NPTXR: variants seen among roughly 807,000 people sequenced by gnomAD.
NPTXR encodes neuronal pentraxin receptor.
A neutral mutation model predicts 32.2 loss-of-function variants in NPTXR; 12 were observed. The observed-to-expected ratio is 0.37, with a 90% CI of 0.24 to 0.60. The LOEUF (loss-of-function observed/expected upper bound fraction) is 0.60. NPTXR is among the 20% of genes least tolerant of loss of function. The probability of loss-of-function intolerance (pLI) is 0.66; values close to 1 mark genes in which losing one functional copy is unlikely to be tolerated. For missense variants in NPTXR, 612 were observed against 682.9 expected (o/e 0.90, Z 1.16); for synonymous variants, 323 against 315.8 (o/e 1.02, Z -0.24).
rs1233043674 is a variant in NPTXR, at chr22:38,821,041, T to A, written c.*1568A>T. Reference sequence around the variant, plus strand: ...TCCCGAGTAGCTGGGACTACAGGCATGCACCACCTAACCAGCTAAGTTTTG... The same window carrying A: ...TCCCGAGTAGCTGGGACTACAGGCAAGCACCACCTAACCAGCTAAGTTTTG... On this transcript the variant is annotated 3_prime_UTR_variant, in exon 5 of 5. Transcript: ENST00000333039. 6.6e-6 allele frequency: 1 copy of A among 152,236 alleles called. No homozygotes were observed. Among genetic ancestry groups the A allele is most frequent in the African/African-American group, 2.4e-5 (1 of 41,422 alleles). 9.4% of individuals were successfully genotyped at this position (152,236 alleles called of 1,614,324 possible).
intron 3 of NPTXR, among the ~76,000 whole-genome samples, chr22:38,824,761 G>A (rs998501578): frequency 6.6e-6 from 1 of 152,172 alleles, no homozygotes; most frequent in Non-Finnish European, 1.5e-5. Flanking sequence ...CGGCAGCCAG[G>A]GGGTGATGAA....
intron 1 of NPTXR, among the ~76,000 whole-genome samples, chr22:38,833,655 A>ATTT (rs5845398): frequency 1.4e-5 from 2 of 138,056 alleles, no homozygotes; most frequent in Non-Finnish European, 1.6e-5. Context: ...GTGACTAACA[A>ATTT]TTTTTTTTTT....
chr22:38,833,844 T>G (rs1358526412), intron 1 of NPTXR, among the ~76,000 whole-genome samples: 1 of 151,982 alleles, frequency 6.6e-6, no homozygotes, highest in Non-Finnish European at 1.5e-5. Flanking sequence ...ACCCAGCTAA[T>G]TTTTTGTATT....
intron 1 of NPTXR, among the ~76,000 whole-genome samples, chr22:38,832,216 C>T (rs541413393): frequency 1.4e-4 from 22 of 152,330 alleles, no homozygotes; most frequent in East Asian, 5.8e-4. Flanking sequence ...AGTCCCTCCC[C>T]GTCCCAGTGT....
At chr22:38,838,121 T>C (rs1234063868) in intron 1 of NPTXR, among the ~76,000 whole-genome samples, 1 of 152,172 alleles carries the variant, frequency 6.6e-6, no homozygotes, top group African/African-American at 2.4e-5. Flanking sequence ...CCTCCCAAAG[T>C]GCTGGGATTA....
chr22:38,835,844 G>A (rs2093123111), intron 1 of NPTXR, among the ~76,000 whole-genome samples: 1 of 152,146 alleles, frequency 6.6e-6, no homozygotes, highest in Non-Finnish European at 1.5e-5. Flanking sequence ...AAGCACATAA[G>A]TGCTCCCACC....
At chr22:38,830,695 G>T (rs1157209171) in intron 1 of NPTXR, among the ~76,000 whole-genome samples, 1 of 152,166 alleles carries the variant, frequency 6.6e-6, no homozygotes, top group African/African-American at 2.4e-5. Context: ...ACAGGGCAGG[G>T]GGTCTGGTGC....
At chr22:38,840,089 T>C (rs915017311) in intron 1 of NPTXR, among the ~76,000 whole-genome samples, 4 of 152,184 alleles carry the variant, frequency 2.6e-5, no homozygotes, top group African/African-American at 9.7e-5. Context: ...AGCCCTTAAA[T>C]GTGGCTCCCA....
intron 2 of NPTXR, 64 bp from the exon 3 acceptor site, chr22:38,826,811 G>A (rs1233923005): frequency 4.5e-6 from 7 of 1,558,488 alleles, no homozygotes; most frequent in South Asian, 1.2e-5. Flanking sequence ...GGGTGGACAG[G>A]GCACACTTCA....
At chr22:38,841,907 T>C (rs1363975877) in intron 1 of NPTXR, among the ~76,000 whole-genome samples, 2 of 152,142 alleles carry the variant, frequency 1.3e-5, no homozygotes, top group African/African-American at 4.8e-5. Context: ...GGGGAAGAGG[T>C]GGGTATGGGC....
chr22:38,824,351 G>A, intron 3 of NPTXR, among the ~76,000 whole-genome samples: 1 of 152,026 alleles, frequency 6.6e-6, no homozygotes, highest in East Asian at 1.9e-4. Flanking sequence ...GCCTTGTTGT[G>A]GATCCTGGGG....
In NPTXR at chr22:38,843,797, C is replaced by T; in HGVS notation, c.62G>A (p.Cys21Tyr). ...CGCCAGGGGCACGCTGGCGATGATG[C>T]AGATGACGGCACCGAGGAACGCCAG... Residue 21 changes from cysteine to tyrosine, a missense_variant, in exon 1 of 5, where the codon TGC becomes TAC. By Grantham distance (194) the Cys-to-Tyr change is radical. Transcript: ENST00000333039. The surrounding 1 kb of genome is among the most constrained non-coding windows in gnomAD (Gnocchi z 5.3). The T allele has an allele frequency of 9.9e-7, 1 of 1,012,052 alleles. No individual in the cohort carries two copies. Among genetic ancestry groups the T allele is most frequent in the African/African-American group, 1.7e-5 (1 of 57,260 alleles). 62.7% of individuals were successfully genotyped at this position (1,012,052 alleles called of 1,614,324 possible). A position where few individuals can be genotyped will look rare whatever the true frequency, so the allele number is the denominator to read the frequency against.
intron 1 of NPTXR, among the ~76,000 whole-genome samples, chr22:38,840,844 G>A (rs941409814): frequency 6.6e-6 from 1 of 152,118 alleles, no homozygotes; most frequent in Non-Finnish European, 1.5e-5. Context: ...CAAGGAGACA[G>A]AGGCAGCAGA....
Position 38,834,189 on chromosome 22 carries a change from C to T in NPTXR, c.625-5677G>A, listed in dbSNP as rs550199910. On this transcript the variant is annotated intron_variant, in intron 1 of 4. Coordinates refer to ENST00000333039, the MANE Select transcript of NPTXR (RefSeq NM_014293.4). The surrounding 1 kb of genome is among the most constrained non-coding windows in gnomAD (Gnocchi z 4.4). ...CTTCTCCCTAGTCCTGGCTACTCTC[C>T]GCTGGACTGTGCCACAGCTTCCACT... is the stretch of plus-strand genomic sequence containing the variant. 2.0e-4 allele frequency among the ~76,000 whole-genome samples: 31 copies of T among 152,230 alleles called. No individual in the cohort carries two copies. Among genetic ancestry groups the T allele is most frequent in the African/African-American group, 7.2e-4 (30 of 41,534 alleles).
Position 38,830,196 on chromosome 22 carries a change from G to A in NPTXR, c.625-1684C>T, listed in dbSNP as rs557791576. ...CCTCGGCTCTGCCACTGCCCCGTGAGAGTAGGGACAGGTGGGCTGACACTC... is the reference window on the plus strand; with the variant it reads ...CCTCGGCTCTGCCACTGCCCCGTGAAAGTAGGGACAGGTGGGCTGACACTC... On this transcript the variant is annotated intron_variant, in intron 1 of 4. Coordinates refer to ENST00000333039, the MANE Select transcript of NPTXR (RefSeq NM_014293.4). 3.9e-5 allele frequency among the ~76,000 whole-genome samples: 6 copies of A among 152,330 alleles called. No individual in the cohort carries two copies. The East Asian group carries it at 1.2e-3, about 29-fold the overall frequency.
chr22:38,828,612 C>G (rs572821338), intron 1 of NPTXR, 100 bp from the exon 2 acceptor site: 2 of 879,840 alleles, frequency 2.3e-6, no homozygotes, highest in Non-Finnish European at 3.4e-6. Context: ...CCCAGGGGAG[C>G]CTCAGCTTCC....
intron 2 of NPTXR, among the ~76,000 whole-genome samples, chr22:38,827,248 CTTTTTTTCTTTCTT>C (rs756692136): frequency 7.9e-6 from 1 of 126,560 alleles, no homozygotes; most frequent in South Asian, 2.4e-4. Context: ...TTTTCTTTTT[CTTTTTTTCTTTCTT>C]TTTTTTTTTT....
intron 2 of NPTXR, among the ~76,000 whole-genome samples, chr22:38,827,697 C>G (rs2093109471): frequency 6.6e-6 from 1 of 152,208 alleles, no homozygotes; most frequent in African/African-American, 2.4e-5. Context: ...TCCTAAACCC[C>G]TATTTCTCAG....
chr22:38,831,697 G>T (rs1008398152), intron 1 of NPTXR, among the ~76,000 whole-genome samples: 1 of 151,970 alleles, frequency 6.6e-6, no homozygotes, highest in Non-Finnish European at 1.5e-5. Flanking sequence ...CTGGAAGGGC[G>T]GGCTGGGGCA....
Sources: gnomAD v4.1 joint callset for allele counts (sites outside exome capture counted in the v4.1 genomes callset) on GRCh38, gnomAD v4.1.1 for gene constraint, Gnocchi (gnomAD v3.1) non-coding constraint, MANE v1.5 for transcripts, NCBI Gene and HGNC (gene_info 2026-07-23, HGNC 2026-07-21) for gene names.